SDCBP: variants seen among roughly 807,000 people sequenced by gnomAD.
SDCBP encodes the protein syndecan binding protein, also known as syntenin-1.
SDCBP carries 22 observed loss-of-function variants against 30.5 expected under a neutral mutation model. That is an observed-to-expected ratio of 0.72 (90% CI 0.52 to 1.03). The LOEUF is 1.03. SDCBP is among the 50% of genes least tolerant of loss of function. The pLI is 0.00. For synonymous variants in SDCBP, 103 were observed against 118.7 expected, an observed-to-expected ratio of 0.87 and a Z score of 0.86; for missense variants, 304 against 369.9, an observed-to-expected ratio of 0.82 and a Z score of 1.46.
intron 5 of SDCBP, among the ~76,000 whole-genome samples, chr8:58,577,632 G>T (rs775732731): frequency 6.6e-6 from 1 of 152,066 alleles, no homozygotes; most frequent in Non-Finnish European, 1.5e-5. Context: ...CATGTGACTC[G>T]CTTTTCCCCT....
intron 4 of SDCBP, among the ~76,000 whole-genome samples, chr8:58,574,469 A>G (rs1305640484): frequency 6.6e-6 from 1 of 152,206 alleles, no homozygotes; most frequent in East Asian, 1.9e-4. Context: ...TGTTCACTAC[A>G]TGGATGCTTA....
At chr8:58,579,586 A>T in intron 6 of SDCBP, 37 bp from the exon 7 acceptor site, 1 of 1,431,468 alleles carries the variant, frequency 7.0e-7, no homozygotes, top group Non-Finnish European at 9.3e-7. Flanking sequence ...TGTTTAGCTT[A>T]GAATTAAGTT....
intron 8 of SDCBP, among the ~76,000 whole-genome samples, chr8:58,581,162 G>C (rs1805664367): frequency 6.6e-6 from 1 of 152,210 alleles, no homozygotes; most frequent in Non-Finnish European, 1.5e-5. Flanking sequence ...TACCATAGCT[G>C]TTTTTGTCAA....
At chr8:58,580,074 G>A in intron 7 of SDCBP, 1 of 314,198 alleles carries the variant, frequency 3.2e-6, no homozygotes, top group Non-Finnish European at 5.8e-6. Context: ...TAGTGGCCCA[G>A]CATTTCTCAA....
rs1374435239 is a variant in SDCBP, at chr8:58,574,585, T to A, written c.241-1315T>A. On this transcript the variant is annotated intron_variant, in intron 4 of 8. Coordinates refer to ENST00000260130, the MANE Select transcript of SDCBP (RefSeq NM_005625.4). ...CCTTTTATTTTTCTTCTGTTCTATT[T>A]TAAATTAATTTGTTGCTGGAGATTT... Among the ~76,000 whole-genome samples the A allele has an allele frequency of 3.3e-5, 5 of 152,348 alleles. No homozygotes were observed. The East Asian group carries it at 9.6e-4, about 29-fold the overall frequency.
chr8:58,571,864 T>A (rs77789136), intron 3 of SDCBP, among the ~76,000 whole-genome samples: 269 of 152,306 alleles, frequency 1.8e-3, no homozygotes, highest in African/African-American at 6.2e-3. Flanking sequence ...GGAGAATCAG[T>A]GGCATTCTTA....
At chr8:58,559,880 C>T (rs1373440094) in intron 1 of SDCBP, among the ~76,000 whole-genome samples, 1 of 152,208 alleles carries the variant, frequency 6.6e-6, no homozygotes, top group African/African-American at 2.4e-5. Context: ...ATAGTTCATT[C>T]CCCTGGCTCA....
chr8:58,558,239 T>C (rs1804256815), intron 1 of SDCBP, among the ~76,000 whole-genome samples: 1 of 152,238 alleles, frequency 6.6e-6, no homozygotes, highest in African/African-American at 2.4e-5. Context: ...GTTGTTTTGA[T>C]GACATTTGTC....
chr8:58,581,246 A>G (rs924830029), intron 8 of SDCBP, among the ~76,000 whole-genome samples: 1 of 152,210 alleles, frequency 6.6e-6, no homozygotes, highest in Non-Finnish European at 1.5e-5. Context: ...AAACATAACC[A>G]TTGTAATGAA....
chr8:58,561,801 T>C, intron 1 of SDCBP: 1 of 687,412 alleles, frequency 1.5e-6, no homozygotes, highest in East Asian at 2.7e-5. Context: ...TGGTGGTGAG[T>C]AAATCACTTA....
intron 5 of SDCBP, 53 bp downstream of exon 5, chr8:58,576,114 T>G (rs1805302343): frequency 8.0e-7 from 1 of 1,246,992 alleles, no homozygotes; most frequent in Non-Finnish European, 1.2e-6. Flanking sequence ...ACATAATAAG[T>G]GATTAATGTT....
intron 7 of SDCBP, among the ~76,000 whole-genome samples, chr8:58,580,209 C>G (rs1304105708): frequency 6.6e-6 from 1 of 152,154 alleles, no homozygotes; most frequent in Non-Finnish European, 1.5e-5. Context: ...AGCATGACCT[C>G]CTCATTTCAT....
intron 4 of SDCBP, among the ~76,000 whole-genome samples, chr8:58,573,831 T>C (rs1284238867): frequency 6.6e-6 from 1 of 152,180 alleles, no homozygotes; most frequent in Non-Finnish European, 1.5e-5. Context: ...TAATATCTGT[T>C]ACCACCTACT....
At chr8:58,563,033 C>T (rs1347648133) in intron 1 of SDCBP, among the ~76,000 whole-genome samples, 1 of 152,032 alleles carries the variant, frequency 6.6e-6, no homozygotes, top group Non-Finnish European at 1.5e-5. Context: ...ACCATATGAC[C>T]CAGCAGTTGC....
intron 1 of SDCBP, among the ~76,000 whole-genome samples, chr8:58,563,351 T>G (rs1417377051): frequency 1.3e-5 from 2 of 152,124 alleles, no homozygotes; most frequent in African/African-American, 4.8e-5. Flanking sequence ...ATTCTAAGAT[T>G]CTAGATTAAG....
intron 1 of SDCBP, among the ~76,000 whole-genome samples, chr8:58,559,213 C>T (rs987299816): frequency 1.3e-5 from 2 of 151,998 alleles, no homozygotes; most frequent in African/African-American, 2.4e-5. Context: ...GTTAGGAAAC[C>T]ACTTCATTTT....
At chr8:58,556,190 G>A (rs1804090899) in intron 1 of SDCBP, among the ~76,000 whole-genome samples, 1 of 152,198 alleles carries the variant, frequency 6.6e-6, no homozygotes, top group African/African-American at 2.4e-5. Flanking sequence ...CTGGTTTCAT[G>A]GAAGACAGTT....
intron 8 of SDCBP, 29 bp from the exon 9 acceptor site, chr8:58,581,657 G>A (rs752562519): frequency 9.0e-6 from 14 of 1,562,804 alleles, no homozygotes; most frequent in Admixed American, 5.1e-5. Flanking sequence ...CCAGAATCTC[G>A]GTATATAATA....
chr8:58,581,587 A>C, intron 8 of SDCBP, 99 bp from the exon 9 acceptor site: 1 of 821,774 alleles, frequency 1.2e-6, no homozygotes, highest in Non-Finnish European at 2.1e-6. Flanking sequence ...TGATGCTAAC[A>C]GGTGCTAAAT....
Sources: allele counts gnomAD v4.1 joint callset (sites outside exome capture counted in the v4.1 genomes callset), GRCh38; gene constraint gnomAD v4.1.1; transcripts MANE v1.5; gene names NCBI Gene and HGNC (gene_info 2026-07-23, HGNC 2026-07-21).